The following AGBL3 variants were observed in gnomAD, a reference collection of about 807,000 sequenced individuals.
AGBL3 encodes the protein cytosolic carboxypeptidase 3.
Under a neutral mutation model 94.5 loss-of-function variants are expected in AGBL3, and 68 were observed. The ratio of observed to expected loss-of-function variants is 0.72; its 90% CI spans 0.59 to 0.88. AGBL3 has a LOEUF of 0.88. AGBL3 is among the 40% of genes least tolerant of loss of function. AGBL3 has a pLI of 0.00. For synonymous variants in AGBL3, 354 were observed against 370.7 expected (o/e 0.95, Z 0.52); for missense variants, 934 against 1,103.8 (o/e 0.85, Z 2.18).
In AGBL3 at chr7:135,051,002, A is replaced by C. The variant is rs1421013467; in HGVS notation, c.1841+5091A>C. The C allele has an allele frequency of 1.2e-5, 5 of 427,986 alleles. No individual in the cohort carries two copies. In the Admixed American group the frequency reaches 1.4e-4, roughly 12 times the overall value. 26.5% of individuals were successfully genotyped at this position (427,986 alleles called of 1,614,324 possible). A position where few individuals can be genotyped will look rare whatever the true frequency, so the allele number is the denominator to read the frequency against. On this transcript the variant is annotated intron_variant, in intron 11 of 16. Transcript: ENST00000436302. ...CTTTTCTTCTCTTCAAATTATTTCT[A>C]ATGCTGTCACTACCCACAGAGAACT...
At chr7:135,029,649 C>A (rs935675493) in intron 5 of AGBL3, among the ~76,000 whole-genome samples, 2 of 152,140 alleles carry the variant, frequency 1.3e-5, no homozygotes, top group Admixed American at 1.3e-4. Flanking sequence ...TGGAGTAGCA[C>A]TTTTAGTCTC....
At position 135,059,149 on chromosome 7, in the gene AGBL3, C is replaced by A. The variant is rs1818600684; in HGVS notation, c.1842-20C>A. On this transcript the variant is annotated intron_variant, in intron 11 of 16. Transcript: ENST00000436302. The stretch of plus-strand genomic sequence containing the variant: ...GATGCCACCAAAACACTGTATAAAC[C>A]AAAATTATTTTTTTTGTAGTAGCCG... 1 of 1,543,226 alleles carries A rather than the reference C, an allele frequency of 6.5e-7. No homozygotes were observed. The highest frequency in any genetic ancestry group is 2.4e-5 in the East Asian group (1 of 40,824).
At chr7:135,033,506 T>C (rs922815032) in intron 6 of AGBL3, among the ~76,000 whole-genome samples, 2 of 152,192 alleles carry the variant, frequency 1.3e-5, no homozygotes, top group Non-Finnish European at 2.9e-5. Context: ...AGAGTGCTTA[T>C]AGAATAGAAA....
At chr7:135,095,894 G>A (rs1230975303) in intron 15 of AGBL3, among the ~76,000 whole-genome samples, 1 of 152,180 alleles carries the variant, frequency 6.6e-6, no homozygotes, top group South Asian at 2.1e-4. Flanking sequence ...GCTCACGCCT[G>A]TAATCCCAGC....
intron 5 of AGBL3, among the ~76,000 whole-genome samples, chr7:135,017,489 T>C (rs4236656): frequency 0.93 from 141,595 of 152,142 alleles, 66,672 homozygotes; most frequent in Non-Finnish European, 1. Context: ...TCTCCATGTA[T>C]GGCTCACATT....
intron 11 of AGBL3, among the ~76,000 whole-genome samples, chr7:135,057,883 T>C (rs540140264): frequency 6.6e-6 from 1 of 152,302 alleles, no homozygotes; most frequent in East Asian, 1.9e-4. Flanking sequence ...GGCCACATAC[T>C]ATATGATCCC....
intron 15 of AGBL3, among the ~76,000 whole-genome samples, chr7:135,096,554 A>AACAAAGATAGATAGATAGAT (rs1822762037): frequency 4.4e-5 from 1 of 22,616 alleles, no homozygotes; most frequent in African/African-American, 9.0e-5. Context: ...GAAAGAAAGA[A>AACAAAGATAGATAGATAGAT]AGAAAGATAG....
At chr7:135,066,927 G>C (rs950731797) in intron 12 of AGBL3, among the ~76,000 whole-genome samples, 2 of 152,254 alleles carry the variant, frequency 1.3e-5, no homozygotes, top group African/African-American at 4.8e-5. Context: ...ATGAGCCGAA[G>C]CAGGGCGAGG....
At position 135,134,848 on chromosome 7, in the gene AGBL3, C is replaced by A; in HGVS notation, c.2350C>A (p.Pro784Thr). Residue 784 changes from proline (P) to threonine (T), a missense_variant, in exon 17 of 17, where the codon CCG becomes ACG. Pro to Thr is a conservative substitution (Grantham distance 38, BLOSUM62 -1). Around this residue, in one of 3 missense-constraint regions of AGBL3, gnomAD observed 441 missense variants for 518.2 expected, o/e 0.85. Transcript: ENST00000436302. ...TNFQIQHQLNPATCRNIKKYS... is the reference protein window; with the variant it reads ...TNFQIQHQLNTATCRNIKKYS... The stretch of plus-strand genomic sequence containing the variant: ...ATTTCATTTCTTTTCTAGACTAAAT[C>A]CGGCTACTTGCAGAAATATAAAGAA... 6.5e-7 allele frequency: 1 copy of A among 1,549,332 alleles called. No homozygotes were observed. The highest frequency in any genetic ancestry group is 8.7e-7 in the Non-Finnish European group (1 of 1,145,432).
chr7:135,128,932 T>C, intron 16 of AGBL3: 2 of 1,550,192 alleles, frequency 1.3e-6, no homozygotes, highest in Admixed American at 3.3e-5. Flanking sequence ...CTGTGCAATA[T>C]CTGTTTCTGT....
intron 15 of AGBL3, among the ~76,000 whole-genome samples, chr7:135,083,830 T>TTTTATG (rs1821112077): frequency 6.6e-6 from 1 of 152,214 alleles, no homozygotes; most frequent in Admixed American, 6.5e-5. Context: ...AACAAAAGAA[T>TTTTATG]TACCAAAAGA....
At chr7:135,123,598 C>G (rs1443104136) in intron 16 of AGBL3, among the ~76,000 whole-genome samples, 4 of 152,128 alleles carry the variant, frequency 2.6e-5, no homozygotes, top group Admixed American at 6.6e-5. Context: ...TCTTCAGATT[C>G]TCTAAGGTCA....
At chr7:135,076,278 G>A in intron 12 of AGBL3, 119 bp from the exon 13 acceptor site, 1 of 774,142 alleles carries the variant, frequency 1.3e-6, no homozygotes, top group South Asian at 1.7e-5. Flanking sequence ...TACTTAGTGG[G>A]AGGAATAAAG....
chr7:135,055,915 A>C (rs1364375027), intron 11 of AGBL3, among the ~76,000 whole-genome samples: 2 of 152,082 alleles, frequency 1.3e-5, no homozygotes, highest in Non-Finnish European at 2.9e-5. Flanking sequence ...ACTAATTATC[A>C]ATTCGATTTC....
At chr7:135,083,371 A>T (rs1417511693) in intron 15 of AGBL3, among the ~76,000 whole-genome samples, 1 of 152,210 alleles carries the variant, frequency 6.6e-6, no homozygotes, top group Non-Finnish European at 1.5e-5. Context: ...TTGGACTGAC[A>T]CTGCCCTAAG....
intron 15 of AGBL3, among the ~76,000 whole-genome samples, chr7:135,082,491 T>C (rs536980816): frequency 2.6e-5 from 4 of 151,566 alleles, no homozygotes; most frequent in Admixed American, 6.6e-5. Context: ...GCAGATGTTG[T>C]CTAATGAGTG....
intron 4 of AGBL3, among the ~76,000 whole-genome samples, chr7:134,996,231 A>T (rs527874111): frequency 1.7e-4 from 26 of 152,112 alleles, no homozygotes; most frequent in Non-Finnish European, 2.6e-4. Flanking sequence ...CTGTCTTCAG[A>T]CTGAAACACC....
chr7:135,072,913 T>C (rs1820072191), intron 12 of AGBL3, among the ~76,000 whole-genome samples: 1 of 151,230 alleles, frequency 6.6e-6, no homozygotes, highest in Admixed American at 6.6e-5. Flanking sequence ...TAAAGTATAA[T>C]AAAAATAAAA....
At chr7:135,029,727 A>G (rs1303596315) in intron 5 of AGBL3, among the ~76,000 whole-genome samples, 10 of 152,220 alleles carry the variant, frequency 6.6e-5, no homozygotes, top group East Asian at 1.9e-4. Flanking sequence ...CTTTTGGCCT[A>G]TCTTAGCTTT....
Sources: allele counts gnomAD v4.1 joint callset (sites outside exome capture counted in the v4.1 genomes callset), GRCh38; gene constraint gnomAD v4.1.1; regional missense constraint gnomAD v4.1.1; transcripts MANE v1.5; gene names NCBI Gene and HGNC (gene_info 2026-07-23, HGNC 2026-07-21).